The following CORIN variants were observed in gnomAD, a reference collection of about 807,000 sequenced individuals.
CORIN encodes atrial natriuretic peptide-converting enzyme.
Under a neutral mutation model 125.3 loss-of-function variants are expected in CORIN, and 117 were observed. The observed-to-expected ratio is 0.93, with a 90% CI of 0.80 to 1.09. The LOEUF is 1.09. Among genes scored for constraint, CORIN ranks in the 50% least tolerant of loss-of-function variants. The pLI, the probability that CORIN is intolerant of heterozygous loss-of-function variation, is 0.00. For missense variants in CORIN, 1,253 were observed against 1,306.7 expected (o/e 0.96, Z 0.63); for synonymous variants, 450 against 466.4 (o/e 0.96, Z 0.45).
At chr4:47,666,479 C>A (rs576216343) in intron 10 of CORIN, among the ~76,000 whole-genome samples, 1 of 152,128 alleles carries the variant, frequency 6.6e-6, no homozygotes, top group African/African-American at 2.4e-5. Flanking sequence ...AGGATGCACG[C>A]GCTGGTAGCT....
chr4:47,703,562 C>A (rs577346061), intron 5 of CORIN, among the ~76,000 whole-genome samples: 1 of 152,268 alleles, frequency 6.6e-6, no homozygotes, highest in East Asian at 1.9e-4. Context: ...GCTGCTTTGG[C>A]GAATTACTTA....
At chr4:47,646,243 A>C (rs997732611) in intron 13 of CORIN, among the ~76,000 whole-genome samples, 2 of 152,180 alleles carry the variant, frequency 1.3e-5, no homozygotes, top group African/African-American at 4.8e-5. Flanking sequence ...ATCACCTTAA[A>C]ATGTAATTTC....
rs61761811 is a variant in CORIN at position 47,696,373 on chromosome 4, A to C, written c.800-3290T>G. Among the ~76,000 whole-genome samples the C allele has an allele frequency of 7.2e-3, 1,099 of 152,312 alleles. 7 individuals carry two copies. The highest frequency in any genetic ancestry group is 0.012 in the Non-Finnish European group (794 of 68,024). On this transcript the variant is annotated intron_variant, in intron 5 of 21. Coordinates refer to ENST00000273857, the MANE Select transcript of CORIN (RefSeq NM_006587.4). ...AATCAATGGCAGATTGATAACTGGAACATTCGTTCATTCATTGAATATATA... is the reference window on the plus strand; with the variant it reads ...AATCAATGGCAGATTGATAACTGGACCATTCGTTCATTCATTGAATATATA...
intron 3 of CORIN, among the ~76,000 whole-genome samples, chr4:47,774,623 A>G (rs1730208226): frequency 6.6e-6 from 1 of 152,146 alleles, no homozygotes; most frequent in Non-Finnish European, 1.5e-5. Flanking sequence ...ATTGTAGTAC[A>G]TGGGTCAAAG....
At chr4:47,632,605 T>G (rs979717539) in intron 16 of CORIN, among the ~76,000 whole-genome samples, 1 of 152,204 alleles carries the variant, frequency 6.6e-6, no homozygotes, top group Admixed American at 6.5e-5. Context: ...AATGGGAGTT[T>G]ATACAGCAAA....
At chr4:47,640,885 A>T (rs1723207289) in intron 16 of CORIN, among the ~76,000 whole-genome samples, 1 of 152,220 alleles carries the variant, frequency 6.6e-6, no homozygotes, top group Non-Finnish European at 1.5e-5. Context: ...CTCTGAACAC[A>T]ATCATAACCT....
chr4:47,653,188 T>C (rs144948318), intron 13 of CORIN, among the ~76,000 whole-genome samples: 5 of 152,352 alleles, frequency 3.3e-5, no homozygotes, highest in Admixed American at 6.5e-5. Context: ...TCATTGTGCC[T>C]AATTTATAAA....
intron 1 of CORIN, among the ~76,000 whole-genome samples, chr4:47,813,408 GT>G (rs1732140517): frequency 6.6e-6 from 1 of 152,146 alleles, no homozygotes; most frequent in African/African-American, 2.4e-5. Context: ...CCATTCCAAG[GT>G]TTTGCCAAAC....
chr4:47,673,696 C>T (rs191166216), intron 10 of CORIN, among the ~76,000 whole-genome samples: 247 of 152,212 alleles, frequency 1.6e-3, no homozygotes, highest in African/African-American at 5.7e-3. Context: ...ACACTGTCAC[C>T]GAAACAAATT....
At chr4:47,787,317 A>C (rs1290525090) in intron 2 of CORIN, among the ~76,000 whole-genome samples, 2 of 152,076 alleles carry the variant, frequency 1.3e-5, no homozygotes, top group African/African-American at 4.8e-5. Context: ...TCTTAATCTC[A>C]CCGGTCATTG....
chr4:47,794,408 C>T (rs565069627), intron 2 of CORIN, among the ~76,000 whole-genome samples: 3 of 152,188 alleles, frequency 2.0e-5, no homozygotes, highest in African/African-American at 7.2e-5. Context: ...TTTCTATAGT[C>T]TACATACCAC....
intron 3 of CORIN, among the ~76,000 whole-genome samples, chr4:47,771,539 C>T (rs1377576831): frequency 6.6e-6 from 1 of 152,060 alleles, no homozygotes; most frequent in Non-Finnish European, 1.5e-5. Flanking sequence ...TTTCGTCACC[C>T]AAGTATTAAG....
intron 1 of CORIN, among the ~76,000 whole-genome samples, chr4:47,815,465 G>A (rs772679933): frequency 6.6e-6 from 1 of 151,966 alleles, no homozygotes; most frequent in African/African-American, 2.4e-5. Flanking sequence ...ACTGTAGGAG[G>A]GTCATATTTC....
At position 47,603,736 on chromosome 4, in the gene CORIN, T is replaced by A. The variant is rs61759671; in HGVS notation, c.2541-68A>T. 10 of 1,503,510 alleles carry A rather than the reference T, an allele frequency of 6.7e-6. 1 individual carries two copies. In the Admixed American group the frequency reaches 2.0e-4, roughly 30 times the overall value. The allele number at this position is 1,503,510 out of a possible 1,614,324, so 93.1% of individuals were successfully genotyped here. Reference sequence around the variant, plus strand: ...TTTATCATGTGAAATTCACATGTAATTTTAAAACATTTTATTTATGTAAAT... The same window carrying A: ...TTTATCATGTGAAATTCACATGTAAATTTAAAACATTTTATTTATGTAAAT... On this transcript the variant is annotated intron_variant, in intron 19 of 21. Transcript: ENST00000273857.
chr4:47,642,544 C>A (rs1294654861), intron 15 of CORIN, among the ~76,000 whole-genome samples: 1 of 152,206 alleles, frequency 6.6e-6, no homozygotes, highest in East Asian at 1.9e-4. Context: ...GGAAACGCTG[C>A]ACAATTGATC....
chr4:47,788,610 A>G (rs1484672393), intron 2 of CORIN, among the ~76,000 whole-genome samples: 1 of 152,254 alleles, frequency 6.6e-6, no homozygotes, highest in African/African-American at 2.4e-5. Flanking sequence ...AATGTATTTC[A>G]CACATACAGA....
chr4:47,602,280 CAAAT>C (rs1432077129), intron 20 of CORIN, among the ~76,000 whole-genome samples: 1 of 152,030 alleles, frequency 6.6e-6, no homozygotes, highest in Non-Finnish European at 1.5e-5. Flanking sequence ...CAAAAACAAA[CAAAT>C]AAACAAACAA....
At chr4:47,727,417 G>A (rs904816018) in intron 5 of CORIN, among the ~76,000 whole-genome samples, 15 of 152,164 alleles carry the variant, frequency 9.9e-5, no homozygotes, top group Admixed American at 8.5e-4. Context: ...ATTCTAATAT[G>A]TGTCACATTT....
At chr4:47,656,031 CA>C (rs1329779341) in intron 12 of CORIN, among the ~76,000 whole-genome samples, 1 of 150,542 alleles carries the variant, frequency 6.6e-6, no homozygotes, top group East Asian at 1.9e-4. Context: ...AAAGACACAT[CA>C]AAAAAAAGAA....
Sources: gnomAD v4.1 joint callset for allele counts (sites outside exome capture counted in the v4.1 genomes callset) on GRCh38, gnomAD v4.1.1 for gene constraint, MANE v1.5 for transcripts, NCBI Gene and HGNC (gene_info 2026-07-23, HGNC 2026-07-21) for gene names.